PRR35: variants seen among roughly 807,000 people sequenced by gnomAD.
The protein encoded by PRR35 is proline rich 35, also known as proline-rich protein 35.
Under a neutral mutation model 18.6 loss-of-function variants are expected in PRR35, and 14 were observed. The observed-to-expected ratio is 0.75, with a 90% CI of 0.50 to 1.18. The LOEUF (loss-of-function observed/expected upper bound fraction) is 1.18, where lower values mean the gene tolerates loss of function less well. Ranked by LOEUF, PRR35 falls within the 50% of genes most tolerant of loss-of-function variation. PRR35 has a pLI of 0.00. For synonymous variants in PRR35, 425 were observed against 378.2 expected, an observed-to-expected ratio of 1.12 and a Z score of -1.43; for missense variants, 832 against 792.2, an observed-to-expected ratio of 1.05 and a Z score of -0.60.
Position 563,372 on chromosome 16 carries a change from C to T in PRR35, c.78C>T (p.Tyr26=). 2 of 1,612,346 alleles carry T rather than the reference C, an allele frequency of 1.2e-6. No individual in the cohort carries two copies. The highest frequency in any genetic ancestry group is 2.2e-5 in the South Asian group (2 of 91,092). Residue 26 remains tyrosine (Y), a synonymous_variant, in exon 2 of 3, where the codon TAC becomes TAT. Transcript: ENST00000409413. ...ARSRKPKKPH[Y]IPRPWGKPYN... ...CTCGGAAGCCCAAGAAGCCACACTA[C>T]ATCCCGCGGCCCTGGGGCAAACCCT...
At position 565,429 on chromosome 16, in the gene PRR35, G is replaced by T. The variant is rs1356012986; in HGVS notation, c.*122G>T. On this transcript the variant is annotated 3_prime_UTR_variant, in exon 3 of 3. Coordinates refer to ENST00000409413, the MANE Select transcript of PRR35 (RefSeq NM_145270.3). Reference sequence around the variant, plus strand: ...CGCATGCATGTGGATAGACCCCCACGGGCCGTGGCCAACGCTTGTCCCTGG... The same window carrying T: ...CGCATGCATGTGGATAGACCCCCACTGGCCGTGGCCAACGCTTGTCCCTGG... 1.8e-6 allele frequency: 2 copies of T among 1,086,324 alleles called. No individual in the cohort carries two copies. Among genetic ancestry groups the T allele is most frequent in the Non-Finnish European group, 2.5e-6 (2 of 814,664 alleles). 67.3% of individuals were successfully genotyped at this position (1,086,324 alleles called of 1,614,324 possible).
rs747578018 is a variant in PRR35 at position 564,986 on chromosome 16, C to A, written c.1395C>A (p.Leu465=). 1 of 1,607,588 alleles carries A rather than the reference C, an allele frequency of 6.2e-7. No individual in the cohort carries two copies. Among genetic ancestry groups the A allele is most frequent in the East Asian group, 2.2e-5 (1 of 44,712 alleles). Residue 465 remains leucine, a synonymous_variant, in exon 3 of 3, where the codon CTC becomes CTA. Transcript: ENST00000409413. ...EQAVRPPDAP[L]DLSVKRAPAK... ...CCGTGAGGCCGCCAGACGCACCCCTCGACCTCTCTGTGAAACGTGCGCCCG... is the reference window on the plus strand; with the variant it reads ...CCGTGAGGCCGCCAGACGCACCCCTAGACCTCTCTGTGAAACGTGCGCCCG...
rs979952746 is a variant in PRR35, at chr16:562,564, C to T, written c.-39-692C>T. 3.2e-4 allele frequency among the ~76,000 whole-genome samples: 48 copies of T among 150,884 alleles called. 1 individual carries two copies. The highest frequency in any genetic ancestry group is 1.0e-3 in the African/African-American group (43 of 41,204). On this transcript the variant is annotated intron_variant, in intron 1 of 2. Transcript: ENST00000409413. ...ACACACGCACATGCACGCACACACA[C>T]GTGCATGCACACGCACACATGCACA...
chr16:560,332 C>G, upstream of PRR35: 2 of 979,574 alleles, frequency 2.0e-6, no homozygotes, highest in Non-Finnish European at 2.4e-6. Context: ...CGAGCGCGGT[C>G]GGAGGTCGCA....
Position 560,531 on chromosome 16 carries a change from A to C in PRR35, c.-170A>C, listed in dbSNP as rs1170420343. The C allele has an allele frequency of 6.5e-5, 64 of 982,476 alleles. No individual in the cohort carries two copies. The highest frequency in any genetic ancestry group is 7.6e-5 in the Non-Finnish European group (63 of 828,820). The allele number at this position is 982,476 out of a possible 1,614,324, so 60.9% of individuals were successfully genotyped here. On this transcript the variant is annotated 5_prime_UTR_variant, in exon 1 of 3. Transcript: ENST00000409413. ...CCTCAGTTTCCCCCACGGGAGCCGC[A>C]TCCCACCCCCAGAGCCCCAGCGCGT...
chr16:564,948 G>A lies in PRR35; in HGVS notation c.1357G>A (p.Ala453Thr). ...CCTGGAGCTGCTCACCATTCACCAGGCGCTGGAGCAGGCCGTGAGGCCGCC... is the reference window on the plus strand; with the variant it reads ...CCTGGAGCTGCTCACCATTCACCAGACGCTGGAGCAGGCCGTGAGGCCGCC... Reference protein sequence around the residue: ...IRLELLTIHQALEQAVRPPDA... With the variant: ...IRLELLTIHQTLEQAVRPPDA... Residue 453 changes from alanine (A) to threonine (T), a missense_variant, in exon 3 of 3, where the codon GCG becomes ACG. Ala to Thr is a moderately conservative substitution (Grantham distance 58, BLOSUM62 0). This residue lies in a region of PRR35 where 768 missense variants were observed against 704.1 expected (regional missense o/e 1.09). Transcript: ENST00000409413. The A allele has an allele frequency of 6.2e-6, 10 of 1,605,072 alleles. No homozygotes were observed. Among genetic ancestry groups the A allele is most frequent in the Non-Finnish European group, 7.6e-6 (9 of 1,178,190 alleles).
At position 565,439 on chromosome 16, in the gene PRR35, C is replaced by T. The variant is rs909087492; in HGVS notation, c.*132C>T. On this transcript the variant is annotated 3_prime_UTR_variant, in exon 3 of 3. Transcript: ENST00000409413. ...TGGATAGACCCCCACGGGCCGTGGC[C>T]AACGCTTGTCCCTGGGGCCACACAG... The T allele has an allele frequency of 3.1e-6, 3 of 955,494 alleles. No individual in the cohort carries two copies. Among genetic ancestry groups the T allele is most frequent in the African/African-American group, 1.7e-5 (1 of 58,362 alleles). 59.2% of individuals were successfully genotyped at this position (955,494 alleles called of 1,614,324 possible).
chr16:560,355 G>A (rs2142103801), upstream of PRR35: 2 of 980,884 alleles, frequency 2.0e-6, no homozygotes, highest in South Asian at 4.7e-5. Context: ...GCCCCCCGGA[G>A]CCCGGAGCCC....
chr16:563,475 T>C lies in PRR35; in HGVS notation c.181T>C (p.Cys61Arg). 6.2e-7 allele frequency: 1 copy of C among 1,612,470 alleles called. No individual in the cohort carries two copies. The highest frequency in any genetic ancestry group is 8.5e-7 in the Non-Finnish European group (1 of 1,179,584). ...CTACAACCACATGAAGTACAGCCTC[T>C]GCAAGGACTCCCTGTCCCTGCTGCT... is the stretch of plus-strand genomic sequence containing the variant. The part of the protein sequence containing the change: ...HLYNHMKYSL[C>R]KDSLSLLLDS... The change falls in exon 2 of 3, where the codon TGC becomes CGC. Residue 61 changes from cysteine (C) to arginine (R), a missense_variant. Transcript: ENST00000409413.
chr16:564,747 G>C lies in PRR35; in HGVS notation c.1156G>C (p.Glu386Gln). ...DPGGPETPGP[E>Q]GPLPLQPRGP... Reference sequence around the variant, plus strand: ...AGGCGGCCCTGAGACCCCCGGCCCTGAGGGCCCCCTCCCCCTGCAGCCACG... The same window carrying C: ...AGGCGGCCCTGAGACCCCCGGCCCTCAGGGCCCCCTCCCCCTGCAGCCACG... Residue 386 changes from glutamate (E) to glutamine (Q), a missense_variant, in exon 3 of 3, where the codon GAG (glutamate) becomes CAG (glutamine). Physicochemically the swap from Glu to Gln is conservative, Grantham distance 29. Coordinates refer to ENST00000409413, the MANE Select transcript of PRR35 (RefSeq NM_145270.3). 1 of 1,536,752 alleles carries C rather than the reference G, an allele frequency of 6.5e-7. No homozygotes were observed. The highest frequency in any genetic ancestry group is 8.7e-7 in the Non-Finnish European group (1 of 1,147,468).
Position 565,147 on chromosome 16 carries a change from G to A in PRR35, c.1556G>A (p.Cys519Tyr). The change falls in exon 3 of 3, where the codon TGT becomes TAT. Residue 519 changes from cysteine (C) to tyrosine (Y), a missense_variant. Cys to Tyr is a radical substitution (Grantham distance 194). Around this residue, in one of 3 missense-constraint regions of PRR35, gnomAD observed 768 missense variants for 704.1 expected, o/e 1.09. Transcript: ENST00000409413. ...PQPFSGHTTK[C>Y]EADSSVPPPG... ...CCCTTCTCTGGCCACACCACCAAGT[G>A]TGAGGCCGACTCCAGCGTCCCACCC... is the stretch of plus-strand genomic sequence containing the variant. 6.2e-7 allele frequency: 1 copy of A among 1,610,072 alleles called. No homozygotes were observed. The highest frequency in any genetic ancestry group is 8.5e-7 in the Non-Finnish European group (1 of 1,178,684).
At position 563,517 on chromosome 16, in the gene PRR35, G is replaced by T. The variant is rs1421659639; in HGVS notation, c.223G>T (p.Ala75Ser). The change falls in exon 2 of 3, where the codon GCG becomes TCG. Residue 75 changes from alanine (A) to serine (S), a missense_variant. Physicochemically the swap from Ala to Ser is moderately conservative, Grantham distance 99. Coordinates refer to ENST00000409413, the MANE Select transcript of PRR35 (RefSeq NM_145270.3). ...LSLLLDSPDWACRRGSTTPRP... is the reference protein window; with the variant it reads ...LSLLLDSPDWSCRRGSTTPRP... ...CCTGCTGCTAGACTCCCCAGACTGG[G>T]CGTGCCGCCGTGGCTCCACCACGCC... 1 of 1,611,922 alleles carries T rather than the reference G, an allele frequency of 6.2e-7. No homozygotes were observed. The highest frequency in any genetic ancestry group is 1.7e-4 in the Middle Eastern group (1 of 6,058).
At chr16:560,943 G>GT (rs1567168017) in intron 1 of PRR35, among the ~76,000 whole-genome samples, 1 of 151,692 alleles carries the variant, frequency 6.6e-6, no homozygotes, top group South Asian at 2.1e-4. Flanking sequence ...CCGGGGGGGG[G>GT]GGCAGCAGGA....
intron 1 of PRR35, among the ~76,000 whole-genome samples, chr16:561,559 C>G (rs1014690026): frequency 6.6e-6 from 1 of 152,246 alleles, no homozygotes; most frequent in African/African-American, 2.4e-5. Context: ...CAGCCCCTGC[C>G]TCCCGACCGC....
upstream of PRR35, chr16:560,316 C>G (rs1567167748): frequency 1.0e-4 from 99 of 979,884 alleles, no homozygotes; most frequent in South Asian, 4.0e-3. Context: ...TCCTTCCCTC[C>G]CGCCGCGAGC....
chr16:563,138 G>T (rs1449404947), intron 1 of PRR35, 118 bp from the exon 2 acceptor site: 19 of 1,031,428 alleles, frequency 1.8e-5, no homozygotes, highest in Non-Finnish European at 2.4e-5. Flanking sequence ...CAGGGCAGAG[G>T]CGGCGGGGTG....
At chr16:561,779 G>A in intron 1 of PRR35, 1 of 985,468 alleles carries the variant, frequency 1.0e-6, no homozygotes, top group Non-Finnish European at 1.2e-6. Context: ...ATGACCACGG[G>A]TGCGACCCCC....
upstream of PRR35, among the ~76,000 whole-genome samples, chr16:560,044 G>A (rs1030115950): frequency 3.3e-5 from 5 of 152,126 alleles, no homozygotes; most frequent in East Asian, 9.7e-4. Flanking sequence ...CGCCGCGGCG[G>A]GGACCCGGGA....
At chr16:563,209 G>T (rs1215705807) in intron 1 of PRR35, 47 bp from the exon 2 acceptor site, 4 of 1,442,212 alleles carry the variant, frequency 2.8e-6, no homozygotes, top group Non-Finnish European at 3.7e-6. Context: ...GAGGAGTGGG[G>T]AGTTAGTCAG....
Sources: gnomAD v4.1 joint callset for allele counts (sites outside exome capture counted in the v4.1 genomes callset) on GRCh38, gnomAD v4.1.1 for gene constraint, gnomAD v4.1.1 regional missense constraint, MANE v1.5 for transcripts, NCBI Gene and HGNC (gene_info 2026-07-23, HGNC 2026-07-21) for gene names.